CCDC112: variants seen among roughly 807,000 people sequenced by gnomAD.
The protein encoded by CCDC112 is coiled-coil domain containing 112.
A neutral mutation model predicts 66.3 loss-of-function variants in CCDC112; 40 were observed. The observed-to-expected ratio is 0.60, with a 90% CI of 0.47 to 0.79. The LOEUF (loss-of-function observed/expected upper bound fraction) is 0.79. CCDC112 is among the 30% of genes least tolerant of loss of function. The pLI is 0.00. For missense variants in CCDC112, 659 were observed against 603.8 expected (o/e 1.09, Z -0.96); for synonymous variants, 214 against 197.2 (o/e 1.09, Z -0.71).
intron 3 of CCDC112, among the ~76,000 whole-genome samples, chr5:115,277,764 C>A (rs1749270320): frequency 6.6e-6 from 1 of 152,032 alleles, no homozygotes; most frequent in African/African-American, 2.4e-5. Flanking sequence ...ATATTTTTTT[C>A]TGAAGGAATA....
chr5:115,275,656 C>T, intron 5 of CCDC112, 50 bp from the exon 6 acceptor site: 2 of 1,312,092 alleles, frequency 1.5e-6, no homozygotes, highest in East Asian at 2.4e-5. Context: ...CATATTAACC[C>T]TTAATTTTCC....
At chr5:115,273,550 C>T (rs989558604) in intron 6 of CCDC112, among the ~76,000 whole-genome samples, 3 of 152,090 alleles carry the variant, frequency 2.0e-5, no homozygotes, top group African/African-American at 7.2e-5. Flanking sequence ...TCGTATCAAA[C>T]TGATGATATA....
chr5:115,275,967 TTA>T (rs749156831), intron 5 of CCDC112, 25 bp downstream of exon 5: 1 of 1,470,942 alleles, frequency 6.8e-7, no homozygotes. Context: ...GTCAATAATT[TTA>T]TATTAAAATG....
intron 1 of CCDC112, among the ~76,000 whole-genome samples, chr5:115,285,967 G>A (rs1749658102): frequency 6.6e-6 from 1 of 152,068 alleles, no homozygotes; most frequent in African/African-American, 2.4e-5. Flanking sequence ...GAGGGGAAAA[G>A]GAAACAAGGC....
At chr5:115,285,747 T>A (rs964529128) in intron 1 of CCDC112, among the ~76,000 whole-genome samples, 1 of 152,246 alleles carries the variant, frequency 6.6e-6, no homozygotes, top group African/African-American at 2.4e-5. Context: ...TTCTGGCTAT[T>A]TTTTTGGAGA....
Position 115,267,819 on chromosome 5 carries a change from C to T in CCDC112, c.*57G>A. 1 of 1,331,028 alleles carries T rather than the reference C, an allele frequency of 7.5e-7. No individual in the cohort carries two copies. The allele number at this position is 1,331,028 out of a possible 1,614,324, so 82.5% of individuals were successfully genotyped here. A position where few individuals can be genotyped will look rare whatever the true frequency, so the allele number is the denominator to read the frequency against. ...TAAAGAATGTGGTTAGTCACTCTCT[C>T]CCTGGTATAACTTAGTATGTTAACA... On this transcript the variant is annotated 3_prime_UTR_variant, in exon 10 of 10. Transcript: ENST00000379611.
At chr5:115,287,730 G>A (rs1749738548) in intron 1 of CCDC112, among the ~76,000 whole-genome samples, 1 of 137,932 alleles carries the variant, frequency 7.2e-6, no homozygotes, top group Admixed American at 7.4e-5. Context: ...AATTAAAGTG[G>A]TGAGGGTCTT....
At chr5:115,285,669 G>C (rs558420445) in intron 1 of CCDC112, among the ~76,000 whole-genome samples, 2 of 152,244 alleles carry the variant, frequency 1.3e-5, no homozygotes, top group East Asian at 3.9e-4. Context: ...CACTTAGGGG[G>C]TCTGGATTTT....
rs1293314266 is a variant in CCDC112, at chr5:115,279,788, T to A, written c.240-20A>T. 3.2e-6 allele frequency: 4 copies of A among 1,236,836 alleles called. 1 individual carries two copies. Among genetic ancestry groups the A allele is most frequent in the Middle Eastern group, 4.6e-4 (2 of 4,382 alleles). The allele number at this position is 1,236,836 out of a possible 1,614,324, so 76.6% of individuals were successfully genotyped here. A position where few individuals can be genotyped will look rare whatever the true frequency, so the allele number is the denominator to read the frequency against. ...ATTACTCTTTAGGAAAAGAAACAAA[T>A]AGTATAAATATGATCTAAATATATT... On this transcript the variant is annotated intron_variant, in intron 2 of 9. Transcript: ENST00000379611.
At chr5:115,270,437 T>A (rs1469213954) in intron 7 of CCDC112, among the ~76,000 whole-genome samples, 4 of 152,184 alleles carry the variant, frequency 2.6e-5, no homozygotes, top group African/African-American at 9.7e-5. Context: ...TTGGAATGAA[T>A]TCTGCCAGTA....
At chr5:115,293,529 C>A (rs1750023208) in intron 1 of CCDC112, among the ~76,000 whole-genome samples, 1 of 152,082 alleles carries the variant, frequency 6.6e-6, no homozygotes, top group East Asian at 1.9e-4. Context: ...GAAGAATCCA[C>A]CCCCTTACCT....
rs765015645 is a variant in CCDC112 at position 115,275,497 on chromosome 5, T to C, written c.637A>G (p.Arg213Gly). The change falls in exon 6 of 10, where the codon AGA (arginine) becomes GGA (glycine). Residue 213 changes from arginine to glycine, a missense_variant. Arg to Gly is a moderately radical substitution (Grantham distance 125, BLOSUM62 -2). Coordinates refer to ENST00000379611, the MANE Select transcript of CCDC112 (RefSeq NM_001040440.3). ...ACAGGAACTTTGCTTGAGATTGCTC[T>C]GAAAGCTTTCTCTGTTTCTGAATTA... ...LGNSETEKAF[R>G]AISSKVPVDK... 2 of 1,613,964 alleles carry C rather than the reference T, an allele frequency of 1.2e-6. No individual in the cohort carries two copies. Among genetic ancestry groups the C allele is most frequent in the East Asian group, 2.2e-5 (1 of 44,884 alleles).
intron 2 of CCDC112, among the ~76,000 whole-genome samples, chr5:115,280,687 G>C (rs1749415337): frequency 6.6e-6 from 1 of 151,602 alleles, no homozygotes. Flanking sequence ...TGAGTAGCTG[G>C]GACTACAGGG....
At chr5:115,268,109 T>G (rs989271882) in intron 9 of CCDC112, among the ~76,000 whole-genome samples, 191 bp from the exon 10 acceptor site, 8 of 152,166 alleles carry the variant, frequency 5.3e-5, no homozygotes, top group Non-Finnish European at 1.0e-4. Flanking sequence ...TCAAACTGAT[T>G]GACAGACAAA....
intron 7 of CCDC112, 101 bp from the exon 8 acceptor site, chr5:115,269,899 AT>A: frequency 3.0e-6 from 2 of 656,634 alleles, no homozygotes; most frequent in Non-Finnish European, 5.1e-6. Context: ...ACCTATCAAT[AT>A]TCCTTCAATA....
chr5:115,295,160 T>C (rs898194089), intron 1 of CCDC112, among the ~76,000 whole-genome samples: 1 of 152,138 alleles, frequency 6.6e-6, no homozygotes, highest in Admixed American at 6.5e-5. Flanking sequence ...AGGGGATTGA[T>C]AAAATATCTG....
At position 115,279,628 on chromosome 5, in the gene CCDC112, C is replaced by A; in HGVS notation, c.361+19G>T. On this transcript the variant is annotated intron_variant, in intron 3 of 9. Transcript: ENST00000379611. ...TTATATCGCTCAACAGTTTTTAGTT[C>A]ATCACAAACTCAACTTACTTTCTGT... 2 of 1,608,574 alleles carry A rather than the reference C, an allele frequency of 1.2e-6. No individual in the cohort carries two copies. The highest frequency in any genetic ancestry group is 1.7e-6 in the Non-Finnish European group (2 of 1,178,604).
intron 6 of CCDC112, among the ~76,000 whole-genome samples, chr5:115,272,205 G>A (rs1468529550): frequency 6.6e-6 from 1 of 152,138 alleles, no homozygotes; most frequent in Non-Finnish European, 1.5e-5. Flanking sequence ...TTACAGGTGT[G>A]AGCCACCGTG....
At position 115,276,960 on chromosome 5, in the gene CCDC112, C is replaced by T. The variant is rs371062258; in HGVS notation, c.451+5G>A. 2.0e-6 allele frequency: 3 copies of T among 1,534,394 alleles called. No homozygotes were observed. Among genetic ancestry groups the T allele is most frequent in the African/African-American group, 2.7e-5 (2 of 73,038 alleles). The stretch of plus-strand genomic sequence containing the variant: ...AGAAAGATTATAATATCTAAATTTA[C>T]TTACAATCAGGTGTAGGCTTCACAT... On this transcript the variant is annotated splice_donor_5th_base_variant and intron_variant, in intron 4 of 9. Transcript: ENST00000379611.
Sources: allele counts gnomAD v4.1 joint callset (sites outside exome capture counted in the v4.1 genomes callset), GRCh38; gene constraint gnomAD v4.1.1; transcripts MANE v1.5; gene names NCBI Gene and HGNC (gene_info 2026-07-23, HGNC 2026-07-21).